ERC2: variants seen among roughly 807,000 people sequenced by gnomAD.
The protein encoded by ERC2 is ELKS/RAB6-interacting/CAST family member 2.
In ERC2, 42 loss-of-function variants were observed where a neutral mutation model predicts 114.8. That is an observed-to-expected ratio of 0.37 (90% CI 0.29 to 0.47). The LOEUF is 0.47. Ranked by LOEUF, ERC2 falls within the 20% of genes least tolerant of loss-of-function variation. The probability of loss-of-function intolerance (pLI) is 0.99; values close to 1 mark genes in which losing one functional copy is unlikely to be tolerated. For missense variants in ERC2, 939 were observed against 1,150.7 expected (o/e 0.82, Z 2.66); for synonymous variants, 454 against 425.5 (o/e 1.07, Z -0.82).
chr3:56,289,294 C>T (rs994257436), intron 3 of ERC2, among the ~76,000 whole-genome samples: 4 of 152,138 alleles, frequency 2.6e-5, no homozygotes, highest in African/African-American at 9.7e-5. Flanking sequence ...TGGAGATGAC[C>T]TTTCCCTTCA....
At chr3:56,148,873 A>G (rs1575592487) in intron 5 of ERC2, 104 bp downstream of exon 5, 3 of 1,011,320 alleles carry the variant, frequency 3.0e-6, no homozygotes, top group East Asian at 4.9e-5. Flanking sequence ...ATTAAATAAT[A>G]TCACATAAAG....
At chr3:56,333,900 T>C (rs146160051) in intron 2 of ERC2, among the ~76,000 whole-genome samples, 113 of 152,342 alleles carry the variant, frequency 7.4e-4, no homozygotes, top group African/African-American at 2.7e-3. Context: ...CTCCAGCCAC[T>C]CTTGGGAGGC....
chr3:55,607,226 C>CA (rs1281088988), intron 17 of ERC2, among the ~76,000 whole-genome samples: 1 of 152,164 alleles, frequency 6.6e-6, no homozygotes, highest in Non-Finnish European at 1.5e-5. Context: ...AGTTACAGGA[C>CA]AGCGGGTAAG....
chr3:56,006,793 A>T (rs886571860), intron 10 of ERC2, among the ~76,000 whole-genome samples: 5 of 152,104 alleles, frequency 3.3e-5, no homozygotes, highest in Admixed American at 1.3e-4. Context: ...CAAAAAAATG[A>T]CCTACATCTG....
intron 14 of ERC2, among the ~76,000 whole-genome samples, chr3:55,776,000 C>T (rs1292343683): frequency 1.3e-5 from 2 of 152,172 alleles, no homozygotes; most frequent in Non-Finnish European, 2.9e-5. Flanking sequence ...TGGTGGTGAT[C>T]CACAGACCAG....
At chr3:56,247,777 C>A (rs2051819428) in intron 3 of ERC2, among the ~76,000 whole-genome samples, 1 of 152,114 alleles carries the variant, frequency 6.6e-6, no homozygotes, top group Admixed American at 6.6e-5. Context: ...GCTCCTGGAC[C>A]CCTGAGTTAA....
intron 17 of ERC2, among the ~76,000 whole-genome samples, chr3:55,669,307 A>G (rs2061469424): frequency 6.6e-6 from 1 of 152,156 alleles, no homozygotes; most frequent in Non-Finnish European, 1.5e-5. Context: ...AGAACCCATA[A>G]TCTGCTAGAA....
intron 3 of ERC2, among the ~76,000 whole-genome samples, chr3:56,244,946 A>G (rs933565500): frequency 3.9e-5 from 6 of 152,100 alleles, no homozygotes; most frequent in Non-Finnish European, 8.8e-5. Flanking sequence ...AGATATGTTT[A>G]CAGATACCAT....
At chr3:55,728,739 T>C (rs1198990364) in intron 15 of ERC2, among the ~76,000 whole-genome samples, 2 of 151,992 alleles carry the variant, frequency 1.3e-5, no homozygotes, top group East Asian at 3.9e-4. Context: ...AGGCCAAGAG[T>C]TGGGGAATGG....
chr3:56,046,571 C>T (rs1442033426), intron 7 of ERC2, among the ~76,000 whole-genome samples: 1 of 152,114 alleles, frequency 6.6e-6, no homozygotes, highest in Non-Finnish European at 1.5e-5. Flanking sequence ...TGGAGGCCAA[C>T]CATAAAACAA....
chr3:55,988,653 AT>A (rs2070817972), intron 11 of ERC2, among the ~76,000 whole-genome samples: 1 of 152,208 alleles, frequency 6.6e-6, no homozygotes, highest in Admixed American at 6.5e-5. Context: ...ATTTTAGAAC[AT>A]TTCCTCCTTT....
chr3:56,171,515 C>A (rs1462022739), intron 4 of ERC2, among the ~76,000 whole-genome samples: 1 of 152,188 alleles, frequency 6.6e-6, no homozygotes, highest in African/African-American at 2.4e-5. Context: ...ACAAATGCCT[C>A]ATGCCTACAA....
At chr3:56,138,539 C>T (rs1575559879) in intron 6 of ERC2, among the ~76,000 whole-genome samples, 2 of 152,110 alleles carry the variant, frequency 1.3e-5, no homozygotes, top group South Asian at 2.1e-4. Flanking sequence ...TGGACACTGT[C>T]GTGCACCTTG....
chr3:55,578,218 G>A (rs535400333), intron 17 of ERC2, among the ~76,000 whole-genome samples: 3 of 152,328 alleles, frequency 2.0e-5, no homozygotes, highest in African/African-American at 7.2e-5. Context: ...AAAATGCAAT[G>A]CCACCCTCTT....
chr3:56,282,000 C>A (rs1359715494), intron 3 of ERC2, among the ~76,000 whole-genome samples: 2 of 149,016 alleles, frequency 1.3e-5, no homozygotes, highest in Non-Finnish European at 2.9e-5. Context: ...TTGCTTATCC[C>A]CTCCTCATTT....
At chr3:56,192,849 C>G (rs1331398026) in intron 3 of ERC2, among the ~76,000 whole-genome samples, 1 of 152,132 alleles carries the variant, frequency 6.6e-6, no homozygotes, top group Non-Finnish European at 1.5e-5. Context: ...CCCAGCAGAT[C>G]TTAACCAAGT....
intron 10 of ERC2, among the ~76,000 whole-genome samples, chr3:55,997,904 TTTTGTGTGTGTGTGTGTGTTTTTTG>T (rs2071685910): frequency 2.2e-5 from 1 of 46,466 alleles, no homozygotes; most frequent in Admixed American, 3.1e-4. Flanking sequence ...TTTTTTTTTT[TTTTGTGTGTGTGTGTGTGTTTTTTG>T]TTTTTTTTTT....
intron 4 of ERC2, among the ~76,000 whole-genome samples, chr3:56,151,835 GA>G (rs765816830): frequency 6.6e-6 from 1 of 151,680 alleles, no homozygotes; most frequent in Non-Finnish European, 1.5e-5. Flanking sequence ...CTGGAATAGA[GA>G]AAAAAAATAC....
chr3:56,464,235 G>A (rs35139577), intron 1 of ERC2, among the ~76,000 whole-genome samples: 22,678 of 152,264 alleles, frequency 0.15, 2,233 homozygotes, highest in Non-Finnish European at 0.21. Context: ...ACAGACAAGT[G>A]TTGTCCAAAA....
Sources: gnomAD v4.1 joint callset for allele counts (sites outside exome capture counted in the v4.1 genomes callset) on GRCh38, gnomAD v4.1.1 for gene constraint, MANE v1.5 for transcripts, NCBI Gene and HGNC (gene_info 2026-07-23, HGNC 2026-07-21) for gene names.